Variants in GMDS observed in about 807,000 individuals in gnomAD.
GMDS encodes GDP-mannose 4,6 dehydratase.
Under a neutral mutation model 49.9 loss-of-function variants are expected in GMDS, and 20 were observed. The ratio of observed to expected loss-of-function variants is 0.40; its 90% CI spans 0.28 to 0.58. The LOEUF is 0.58. GMDS is among the 20% of genes least tolerant of loss of function. The pLI is 0.42. For synonymous variants in GMDS, 177 were observed against 178.6 expected (o/e 0.99, Z 0.07); for missense variants, 362 against 481.4 (o/e 0.75, Z 2.32).
intron 6 of GMDS, among the ~76,000 whole-genome samples, chr6:1,931,971 G>A (rs1427049073): frequency 3.3e-5 from 5 of 152,156 alleles, no homozygotes; most frequent in Non-Finnish European, 7.4e-5. Context: ...GGGTCAGGTG[G>A]GCCAATAAAC....
chr6:1,695,614 T>C (rs1765310556), intron 9 of GMDS, among the ~76,000 whole-genome samples: 1 of 152,334 alleles, frequency 6.6e-6, no homozygotes. Flanking sequence ...AGCATCAGCA[T>C]GTGGCCATGA....
At chr6:2,211,077 A>G (rs756302954) in intron 1 of GMDS, among the ~76,000 whole-genome samples, 1 of 152,166 alleles carries the variant, frequency 6.6e-6, no homozygotes, top group Non-Finnish European at 1.5e-5. Context: ...CTCCCTGTAC[A>G]GCCTGCATAA....
chr6:1,774,777 T>C (rs1341808916), intron 7 of GMDS, among the ~76,000 whole-genome samples: 2 of 152,242 alleles, frequency 1.3e-5, no homozygotes, highest in African/African-American at 4.8e-5. Context: ...CAAACTTTCA[T>C]CAGTCATCAC....
intron 1 of GMDS, among the ~76,000 whole-genome samples, chr6:2,228,880 C>T (rs1310874601): frequency 2.6e-5 from 4 of 152,154 alleles, no homozygotes; most frequent in Non-Finnish European, 5.9e-5. Context: ...AAATAAGGCT[C>T]CAGTCGACAA....
rs138600228 is a variant in GMDS, at chr6:1,912,926, C to T, written c.771+17177G>A. 5.3e-5 allele frequency among the ~76,000 whole-genome samples: 8 copies of T among 152,348 alleles called. No homozygotes were observed. In the East Asian group the frequency reaches 1.3e-3, roughly 26 times the overall value. The stretch of plus-strand genomic sequence containing the variant: ...ACCACAAGCCCAAAGCAGCATTACA[C>T]ATTGCCCTTCTGGATGAGACTGACC... On this transcript the variant is annotated intron_variant, in intron 7 of 10. Transcript: ENST00000380815.
intron 1 of GMDS, among the ~76,000 whole-genome samples, chr6:2,190,909 T>G (rs1778984478): frequency 6.6e-6 from 1 of 152,038 alleles, no homozygotes; most frequent in African/African-American, 2.4e-5. Flanking sequence ...CCCACCCTCA[T>G]GTGGCCAGGC....
intron 7 of GMDS, among the ~76,000 whole-genome samples, chr6:1,856,250 G>A (rs1270461947): frequency 6.6e-6 from 1 of 152,168 alleles, no homozygotes. Context: ...GGTGAATAAA[G>A]TTGCTGAAAA....
chr6:2,038,219 G>GTA (rs1227327079), intron 4 of GMDS, among the ~76,000 whole-genome samples: 7 of 152,188 alleles, frequency 4.6e-5, no homozygotes, highest in African/African-American at 1.7e-4. Flanking sequence ...CAGCTGCACA[G>GTA]TACAGGGTGT....
At chr6:1,905,345 G>A (rs34844264) in intron 7 of GMDS, among the ~76,000 whole-genome samples, 645 of 105,854 alleles carry the variant, frequency 6.1e-3, no homozygotes, top group Middle Eastern at 0.022. Flanking sequence ...CCTCAAAGGT[G>A]CCTGTGCATC....
chr6:2,150,988 A>T (rs1287041890), intron 1 of GMDS, among the ~76,000 whole-genome samples: 1 of 152,182 alleles, frequency 6.6e-6, no homozygotes, highest in Non-Finnish European at 1.5e-5. Flanking sequence ...ACTATTAGCG[A>T]TATCCCTAGA....
intron 4 of GMDS, among the ~76,000 whole-genome samples, chr6:2,031,492 A>G (rs541213936): frequency 2.7e-5 from 4 of 149,744 alleles, no homozygotes; most frequent in Admixed American, 2.7e-4. Flanking sequence ...TGCTTAGAGA[A>G]AAAAAAAAAA....
At chr6:1,978,932 C>T (rs1288184170) in intron 4 of GMDS, among the ~76,000 whole-genome samples, 1 of 152,084 alleles carries the variant, frequency 6.6e-6, no homozygotes, top group Non-Finnish European at 1.5e-5. Context: ...ACAGCCTTCA[C>T]TGGTGATAGG....
At chr6:1,749,456 G>T (rs997684196) in intron 7 of GMDS, among the ~76,000 whole-genome samples, 5 of 151,936 alleles carry the variant, frequency 3.3e-5, no homozygotes, top group Non-Finnish European at 7.4e-5. Flanking sequence ...GGCGTGGTGG[G>T]GGCGGGGGCA....
At chr6:1,888,033 T>G (rs1385743315) in intron 7 of GMDS, among the ~76,000 whole-genome samples, 1 of 152,080 alleles carries the variant, frequency 6.6e-6, no homozygotes, top group South Asian at 2.1e-4. Context: ...TCTGCAGCCT[T>G]GACCGCCTGG....
intron 7 of GMDS, among the ~76,000 whole-genome samples, chr6:1,871,398 T>C (rs370463348): frequency 5.3e-5 from 8 of 152,232 alleles, no homozygotes; most frequent in East Asian, 1.9e-4. Flanking sequence ...GAATGTAATA[T>C]TTTAATTTTA....
At chr6:1,777,037 G>A (rs1166414988) in intron 7 of GMDS, among the ~76,000 whole-genome samples, 2 of 152,158 alleles carry the variant, frequency 1.3e-5, no homozygotes, top group African/African-American at 4.8e-5. Flanking sequence ...GAAAACAAAC[G>A]GCTTTAGACA....
chr6:1,809,815 T>C (rs1329932470), intron 7 of GMDS, among the ~76,000 whole-genome samples: 1 of 151,314 alleles, frequency 6.6e-6, no homozygotes, highest in South Asian at 2.1e-4. Flanking sequence ...GGAGGGAGAG[T>C]GATGCAACAA....
intron 9 of GMDS, among the ~76,000 whole-genome samples, chr6:1,717,227 C>A (rs1197378888): frequency 6.6e-6 from 1 of 152,202 alleles, no homozygotes; most frequent in East Asian, 1.9e-4. Context: ...TTTTAAGCCA[C>A]TAAGTTTGTG....
intron 7 of GMDS, among the ~76,000 whole-genome samples, chr6:1,750,968 C>A (rs367778905): frequency 1.3e-5 from 2 of 152,164 alleles, no homozygotes; most frequent in East Asian, 1.9e-4. Flanking sequence ...AGTTCAAATG[C>A]GGCGGAGCCC....
Sources: allele counts gnomAD v4.1 joint callset (sites outside exome capture counted in the v4.1 genomes callset), GRCh38; gene constraint gnomAD v4.1.1; transcripts MANE v1.5; gene names NCBI Gene and HGNC (gene_info 2026-07-23, HGNC 2026-07-21).